TRIM5: variants seen among roughly 807,000 people sequenced by gnomAD.
TRIM5 encodes tripartite motif-containing protein 5.
Under a neutral mutation model 35.6 loss-of-function variants are expected in TRIM5, and 31 were observed. The ratio of observed to expected loss-of-function variants is 0.87; its 90% CI spans 0.65 to 1.18. The LOEUF (loss-of-function observed/expected upper bound fraction) is 1.18. TRIM5 is among the 50% of genes most tolerant of loss of function. The pLI, the probability that TRIM5 is intolerant of heterozygous loss-of-function variation, is 0.00. For missense variants in TRIM5, 609 were observed against 591.6 expected, an observed-to-expected ratio of 1.03 and a Z score of -0.31; for synonymous variants, 243 against 215.6, an observed-to-expected ratio of 1.13 and a Z score of -1.11.
rs766512951 is a variant in TRIM5 at position 5,684,888 on chromosome 11, C to T, written c.-82G>A. 6.6e-6 allele frequency: 1 copy of T among 152,202 alleles called. No individual in the cohort carries two copies. Among genetic ancestry groups the T allele is most frequent in the Non-Finnish European group, 1.5e-5 (1 of 68,088 alleles). 9.4% of individuals were successfully genotyped at this position (152,202 alleles called of 1,614,324 possible). A position where few individuals can be genotyped will look rare whatever the true frequency, so the allele number is the denominator to read the frequency against. ...CTCACCAAGGTAAATACAGTTTTGT[C>T]CCAAAGACTTCCTACTTCTGCCCTC... On this transcript the variant is annotated 5_prime_UTR_variant, in exon 1 of 8. Coordinates refer to ENST00000380034, the MANE Select transcript of TRIM5 (RefSeq NM_033034.3).
At chr11:5,638,840 A>T in the TRIM5 span, among the ~76,000 whole-genome samples, 2 of 152,022 alleles carry the variant, frequency 1.3e-5, no homozygotes, top group Non-Finnish European at 2.9e-5. Flanking sequence ...AAAAGAAGGG[A>T]GTTTATTTTT....
rs1181027138 is a variant in TRIM5, at chr11:5,667,690, T to A, written c.766A>T (p.Arg256Trp). The change falls in exon 5 of 8, where the codon AGG (arginine) becomes TGG (tryptophan). Residue 256 changes from arginine (R) to tryptophan (W), a missense_variant and splice_region_variant. By Grantham distance (101) the Arg-to-Trp change is moderately radical. Transcript: ENST00000380034. ...LLQGVDGVIK[R>W]TENVTLKKPE... Reference sequence around the variant, plus strand: ...CCATCTCTGTCCTCCCACACATACCTTTTTATGACGCCATCCACACCCTAG... The same window carrying A: ...CCATCTCTGTCCTCCCACACATACCATTTTATGACGCCATCCACACCCTAG... 6.2e-7 allele frequency: 1 copy of A among 1,613,602 alleles called. No homozygotes were observed. Among genetic ancestry groups the A allele is most frequent in the East Asian group, 2.2e-5 (1 of 44,776 alleles).
chr11:5,632,116 A>T, the TRIM5 span: 1 of 1,236,778 alleles, frequency 8.1e-7, no homozygotes, highest in Non-Finnish European at 1.1e-6. Context: ...CGCCCAGACC[A>T]CTTTCAGCCA....
chr11:5,601,332 C>G, the TRIM5 span, among the ~76,000 whole-genome samples: 1 of 152,186 alleles, frequency 6.6e-6, no homozygotes, highest in Non-Finnish European at 1.5e-5. Flanking sequence ...TGTGTAAAGT[C>G]ACTTAATGTC....
chr11:5,595,663 C>T, the TRIM5 span, among the ~76,000 whole-genome samples: 1 of 152,030 alleles, frequency 6.6e-6, no homozygotes, highest in African/African-American at 2.4e-5. Flanking sequence ...CAAAGGCCTC[C>T]GGATTTGCCG....
At chr11:5,657,522 TTATA>T in the TRIM5 span, among the ~76,000 whole-genome samples, 1 of 133,924 alleles carries the variant, frequency 7.5e-6, no homozygotes, top group Non-Finnish European at 1.5e-5. Flanking sequence ...ATATAATGCA[TTATA>T]TATATTATTT....
At chr11:5,591,222 G>A in the TRIM5 span, among the ~76,000 whole-genome samples, 2 of 152,178 alleles carry the variant, frequency 1.3e-5, no homozygotes, top group Non-Finnish European at 2.9e-5. Context: ...AAACAAGTTG[G>A]TGGGCAAATA....
the TRIM5 span, among the ~76,000 whole-genome samples, chr11:5,628,600 G>A: frequency 3.3e-5 from 5 of 151,984 alleles, no homozygotes; most frequent in African/African-American, 4.8e-5. Flanking sequence ...AGCTTTTATT[G>A]TACCCCATCC....
chr11:5,645,932 T>C, the TRIM5 span: 1 of 168,604 alleles, frequency 5.9e-6, no homozygotes, highest in African/African-American at 2.5e-5. Flanking sequence ...TATATAGATA[T>C]ATAAAACATG....
chr11:5,635,206 T>C, the TRIM5 span, among the ~76,000 whole-genome samples: 1 of 152,146 alleles, frequency 6.6e-6, no homozygotes, highest in Admixed American at 6.5e-5. Flanking sequence ...AAATGTGTTC[T>C]ATTTAAGTTT....
At chr11:5,599,014 A>T in the TRIM5 span, among the ~76,000 whole-genome samples, 8 of 152,264 alleles carry the variant, frequency 5.3e-5, no homozygotes, top group South Asian at 1.7e-3. Context: ...ACTTTCAAAT[A>T]CCATAGCTTT....
chr11:5,640,240 T>C, the TRIM5 span, among the ~76,000 whole-genome samples: 3 of 152,186 alleles, frequency 2.0e-5, no homozygotes, highest in African/African-American at 7.2e-5. Context: ...CAAAGTATGA[T>C]GTTAGCTGTA....
the TRIM5 span, among the ~76,000 whole-genome samples, chr11:5,617,897 G>T: frequency 6.6e-6 from 1 of 152,072 alleles, no homozygotes; most frequent in African/African-American, 2.4e-5. Flanking sequence ...TTTGCTCAAA[G>T]TTGGACACAT....
the TRIM5 span, among the ~76,000 whole-genome samples, chr11:5,622,586 C>G: frequency 2.6e-5 from 4 of 152,100 alleles, no homozygotes; most frequent in African/African-American, 9.7e-5. Flanking sequence ...CCATTGCACT[C>G]CAGTCTGGGC....
chr11:5,650,657 A>G, the TRIM5 span, among the ~76,000 whole-genome samples: 1 of 152,158 alleles, frequency 6.6e-6, no homozygotes, highest in African/African-American at 2.4e-5. Context: ...ATGGCCACTC[A>G]TGTAGATAAC....
the TRIM5 span, among the ~76,000 whole-genome samples, chr11:5,639,504 C>T: frequency 6.6e-6 from 1 of 151,570 alleles, no homozygotes; most frequent in Non-Finnish European, 1.5e-5. Context: ...CACAGTGAAA[C>T]CCCGTCTCTA....
chr11:5,610,242 A>G, the TRIM5 span: 1 of 1,614,148 alleles, frequency 6.2e-7, no homozygotes, highest in Non-Finnish European at 8.5e-7. Flanking sequence ...GCGAGTGTGT[A>G]GAGGTAAGGA....
At chr11:5,596,786 G>A in the TRIM5 span, 1 of 1,562,960 alleles carries the variant, frequency 6.4e-7, no homozygotes, top group Non-Finnish European at 8.8e-7. Context: ...TAAAAGCCGA[G>A]TGAGCGCGCT....
chr11:5,666,780 C>A (rs55719752), intron 5 of TRIM5, among the ~76,000 whole-genome samples: 25 of 152,312 alleles, frequency 1.6e-4, no homozygotes, highest in Non-Finnish European at 3.1e-4. Context: ...AGAATAGCAC[C>A]TTTTTATGCT....
Sources: gnomAD v4.1 joint callset for allele counts (sites outside exome capture counted in the v4.1 genomes callset) on GRCh38, gnomAD v4.1.1 for gene constraint, MANE v1.5 for transcripts, NCBI Gene and HGNC (gene_info 2026-07-23, HGNC 2026-07-21) for gene names.